RABL3: variants seen among roughly 807,000 people sequenced by gnomAD.
RABL3 encodes the protein rab-like protein 3.
In RABL3, 31 loss-of-function variants were observed where a neutral mutation model predicts 31.8. The observed-to-expected ratio is 0.97, with a 90% CI of 0.73 to 1.31. The LOEUF (loss-of-function observed/expected upper bound fraction) is 1.31, where lower values mean the gene tolerates loss of function less well. RABL3 is among the 40% of genes most tolerant of loss of function. The pLI, the probability that RABL3 is intolerant of heterozygous loss-of-function variation, is 0.00. For missense variants in RABL3, 263 were observed against 279.6 expected, an observed-to-expected ratio of 0.94 and a Z score of 0.42; for synonymous variants, 97 against 99.9, an observed-to-expected ratio of 0.97 and a Z score of 0.18.
At chr3:120,691,268 A>G (rs1708376937) in intron 6 of RABL3, among the ~76,000 whole-genome samples, 1 of 152,240 alleles carries the variant, frequency 6.6e-6, no homozygotes, top group Admixed American at 6.5e-5. Flanking sequence ...ATTTTCAAGA[A>G]TAATAAATTC....
At position 120,705,997 on chromosome 3, in the gene RABL3, C is replaced by T. The variant is rs1708543387; in HGVS notation, c.383+3G>A. 4.5e-6 allele frequency: 7 copies of T among 1,553,544 alleles called. No homozygotes were observed. Among genetic ancestry groups the T allele is most frequent in the Admixed American group, 3.3e-5 (2 of 59,950 alleles). On this transcript the variant is annotated splice_donor_region_variant and intron_variant, in intron 4 of 7. Transcript: ENST00000273375. ...TTTCAAACCAATTGTGAAATTGGCT[C>T]ACCCATTTGTCACCAAGACTCCAGT... is the stretch of plus-strand genomic sequence containing the variant.
chr3:120,734,896 AC>A (rs1259936928), intron 1 of RABL3, among the ~76,000 whole-genome samples: 1 of 152,194 alleles, frequency 6.6e-6, no homozygotes, highest in African/African-American at 2.4e-5. Flanking sequence ...GATGAAGCCC[AC>A]TTGATCATGG....
chr3:120,741,724 G>A (rs1709045738), intron 1 of RABL3, among the ~76,000 whole-genome samples: 1 of 152,174 alleles, frequency 6.6e-6, no homozygotes, highest in Non-Finnish European at 1.5e-5. Context: ...TGGGCTCAGC[G>A]TTAAATCCTA....
intron 5 of RABL3, among the ~76,000 whole-genome samples, chr3:120,697,449 C>A (rs967179776): frequency 2.0e-5 from 3 of 152,194 alleles, no homozygotes; most frequent in African/African-American, 7.2e-5. Flanking sequence ...AAATGTTGCT[C>A]ACTAGTACTA....
intron 2 of RABL3, among the ~76,000 whole-genome samples, chr3:120,727,220 A>G (rs1297745841): frequency 2.0e-5 from 3 of 152,304 alleles, no homozygotes; most frequent in African/African-American, 4.8e-5. Context: ...TCAACAAGGC[A>G]GAAACTGGTC....
At chr3:120,741,906 G>A (rs1006229910) in intron 1 of RABL3, among the ~76,000 whole-genome samples, 3 of 152,122 alleles carry the variant, frequency 2.0e-5, no homozygotes, top group African/African-American at 7.2e-5. Flanking sequence ...TAAGTTCGTG[G>A]ACTCCGCGTT....
At chr3:120,705,039 C>T (rs951567866) in intron 4 of RABL3, among the ~76,000 whole-genome samples, 3 of 150,746 alleles carry the variant, frequency 2.0e-5, no homozygotes, top group African/African-American at 7.4e-5. Context: ...CAAAACAAAA[C>T]AAAACAAAAA....
Position 120,742,235 on chromosome 3 carries a change from C to G in RABL3, c.46+227G>C, listed in dbSNP as rs374202856. Reference sequence around the variant, plus strand: ...CGCCTGGGAGACCGATGCGGAAAGCCGCGAAGGCAAAAGACCCGGGCTCCG... The same window carrying G: ...CGCCTGGGAGACCGATGCGGAAAGCGGCGAAGGCAAAAGACCCGGGCTCCG... On this transcript the variant is annotated intron_variant, in intron 1 of 7. Transcript: ENST00000273375. Among the ~76,000 whole-genome samples, 214 of 151,682 alleles carry G rather than the reference C, an allele frequency of 1.4e-3. 2 individuals are homozygous for G. The highest frequency in any genetic ancestry group is 4.5e-3 in the African/African-American group (185 of 41,322).
At chr3:120,721,818 C>G (rs1332811420) in intron 2 of RABL3, among the ~76,000 whole-genome samples, 1 of 152,182 alleles carries the variant, frequency 6.6e-6, no homozygotes, top group African/African-American at 2.4e-5. Context: ...CAGCTCTGCA[C>G]CAAGCGGACC....
intron 2 of RABL3, among the ~76,000 whole-genome samples, chr3:120,725,446 C>G (rs145698789): frequency 0.28 from 41,952 of 151,950 alleles, 6,276 homozygotes; most frequent in Non-Finnish European, 0.33. Flanking sequence ...CCCATTACTG[C>G]GTATATACCC....
In RABL3 at chr3:120,738,365, G is replaced by T. The variant is rs568411269; in HGVS notation, c.46+4097C>A. ...GACCATTGGAAAAGCACAGTATTAGGGTGGGAGGGACCCAATTTTCCAGGT... is the reference window on the plus strand; with the variant it reads ...GACCATTGGAAAAGCACAGTATTAGTGTGGGAGGGACCCAATTTTCCAGGT... On this transcript the variant is annotated intron_variant, in intron 1 of 7. Transcript: ENST00000273375. Among the ~76,000 whole-genome samples, 54 of 152,322 alleles carry T rather than the reference G, an allele frequency of 3.5e-4. 1 individual carries two copies. In the South Asian group the frequency reaches 8.9e-3, roughly 25 times the overall value.
At chr3:120,698,059 GTGGCC>G (rs1298537958) in intron 5 of RABL3, among the ~76,000 whole-genome samples, 1 of 152,140 alleles carries the variant, frequency 6.6e-6, no homozygotes, top group Admixed American at 6.5e-5. Context: ...AGCTACTCAG[GTGGCC>G]TAAGCATGAG....
chr3:120,706,186 CT>C, intron 3 of RABL3, 72 bp from the exon 4 acceptor site: 1 of 941,738 alleles, frequency 1.1e-6, no homozygotes, highest in South Asian at 1.4e-5. Flanking sequence ...CCAAATGAAG[CT>C]TAGTAAACAG....
chr3:120,718,390 T>A (rs978133945), intron 2 of RABL3, among the ~76,000 whole-genome samples: 7 of 152,216 alleles, frequency 4.6e-5, no homozygotes, highest in Non-Finnish European at 8.8e-5. Context: ...GACCATCAGC[T>A]ATACTCCCCT....
At chr3:120,725,732 G>A (rs1708811129) in intron 2 of RABL3, among the ~76,000 whole-genome samples, 1 of 152,174 alleles carries the variant, frequency 6.6e-6, no homozygotes. Context: ...TCACTCATAG[G>A]TGGGAATTGA....
rs1862936 is a variant in RABL3 at position 120,686,086 on chromosome 3, T to C, written c.*3737A>G. 0.74 allele frequency among the ~76,000 whole-genome samples: 112,566 copies of C among 152,112 alleles called. 41,721 individuals carry two copies. The highest frequency in any genetic ancestry group is 0.79 in the Admixed American group (12,079 of 15,288). The stretch of plus-strand genomic sequence containing the variant: ...CAGATATTTTGTGTAGGCAAACATG[T>C]TGTGAAATATTTGAGACACAGGGTT... On this transcript the variant is annotated 3_prime_UTR_variant, in exon 8 of 8. Transcript: ENST00000273375.
Position 120,733,643 on chromosome 3 carries a change from G to T in RABL3, c.47-2856C>A, listed in dbSNP as rs563783838. 2.1e-4 allele frequency among the ~76,000 whole-genome samples: 32 copies of T among 152,176 alleles called. No homozygotes were observed. The East Asian group carries it at 4.8e-3, about 23-fold the overall frequency. ...GAAGTCCTTGCCCATGCCTATGTCC[G>T]GAATGGTATTGCCTAGGTTTTCTTC... On this transcript the variant is annotated intron_variant, in intron 1 of 7. Transcript: ENST00000273375.
chr3:120,733,859 T>C (rs1035584429), intron 1 of RABL3, among the ~76,000 whole-genome samples: 9 of 152,194 alleles, frequency 5.9e-5, no homozygotes, highest in Admixed American at 1.3e-4. Context: ...AAAGATTAGA[T>C]GGTTGTAGAT....
intron 2 of RABL3, among the ~76,000 whole-genome samples, chr3:120,726,750 AT>A (rs764928938): frequency 6.3e-4 from 96 of 152,052 alleles, no homozygotes; most frequent in Non-Finnish European, 1.0e-3. Flanking sequence ...TCTCAAAAAA[AT>A]AAATTAAATA....
Sources: gnomAD v4.1 joint callset for allele counts (sites outside exome capture counted in the v4.1 genomes callset) on GRCh38, gnomAD v4.1.1 for gene constraint, MANE v1.5 for transcripts, NCBI Gene and HGNC (gene_info 2026-07-23, HGNC 2026-07-21) for gene names.